The following SERP2 variants were observed in gnomAD, a reference collection of about 807,000 sequenced individuals.
SERP2 encodes stress associated endoplasmic reticulum protein family member 2, also known as stress-associated endoplasmic reticulum protein 2.
SERP2 carries 6 observed loss-of-function variants against 9.1 expected under a neutral mutation model. The ratio of observed to expected loss-of-function variants is 0.66; its 90% CI spans 0.36 to 1.30. The LOEUF (loss-of-function observed/expected upper bound fraction) is 1.30, where lower values mean the gene tolerates loss of function less well. Among genes scored for constraint, SERP2 ranks in the 50% most tolerant of loss-of-function variants. The pLI, the probability that SERP2 is intolerant of heterozygous loss-of-function variation, is 0.03. For synonymous variants in SERP2, 37 were observed against 27.3 expected (o/e 1.35, Z -1.10); for missense variants, 58 against 81.9 (o/e 0.71, Z 1.13).
At chr13:44,375,298 G>A (rs1420393858) in intron 1 of SERP2, among the ~76,000 whole-genome samples, 1 of 151,972 alleles carries the variant, frequency 6.6e-6, no homozygotes, top group Non-Finnish European at 1.5e-5. Context: ...TTACGGCAGA[G>A]AAACTCTAGG....
intron 1 of SERP2, among the ~76,000 whole-genome samples, chr13:44,376,485 A>T (rs1871656284): frequency 6.6e-6 from 1 of 152,212 alleles, no homozygotes; most frequent in Non-Finnish European, 1.5e-5. Context: ...AATCCAAGAA[A>T]CAAGGCCGGG....
At chr13:44,396,145 G>C (rs1868722874) in intron 2 of SERP2, 1 of 187,970 alleles carries the variant, frequency 5.3e-6, no homozygotes, top group South Asian at 1.0e-4. Context: ...ATTCATGTTT[G>C]TCTACTCTTA....
intron 2 of SERP2, among the ~76,000 whole-genome samples, chr13:44,380,716 A>G (rs933123038): frequency 6.6e-6 from 1 of 152,212 alleles, no homozygotes; most frequent in African/African-American, 2.4e-5. Context: ...AGAAAATCTT[A>G]CACTCAAAGA....
chr13:44,377,478 T>C (rs1432534235), intron 1 of SERP2, among the ~76,000 whole-genome samples: 1 of 152,230 alleles, frequency 6.6e-6, no homozygotes, highest in Non-Finnish European at 1.5e-5. Flanking sequence ...GATCTGAACT[T>C]GGCCTGGCCT....
chr13:44,374,896 T>C (rs1233091306), intron 1 of SERP2, among the ~76,000 whole-genome samples: 1 of 152,208 alleles, frequency 6.6e-6, no homozygotes, highest in African/African-American at 2.4e-5. Flanking sequence ...ACCAGTTTAT[T>C]GTCAGGCATT....
At position 44,397,563 on chromosome 13, in the gene SERP2, C is replaced by A; in HGVS notation, c.*251C>A. On this transcript the variant is annotated 3_prime_UTR_variant, in exon 3 of 3. Transcript: ENST00000379179. ...TGGCAGGATTAGTAGCCACGCGGGT[C>A]GTCCGCAGCAGTGCTGTTTTTTTGG... 1 of 548,098 alleles carries A rather than the reference C, an allele frequency of 1.8e-6. No homozygotes were observed. Among genetic ancestry groups the A allele is most frequent in the Non-Finnish European group, 3.3e-6 (1 of 305,528 alleles). The allele number at this position is 548,098 out of a possible 1,614,324, so 34.0% of individuals were successfully genotyped here. A position where few individuals can be genotyped will look rare whatever the true frequency, so the allele number is the denominator to read the frequency against.
intron 1 of SERP2, among the ~76,000 whole-genome samples, chr13:44,378,530 C>T (rs1212062774): frequency 2.0e-5 from 3 of 152,166 alleles, no homozygotes; most frequent in African/African-American, 7.2e-5. Context: ...TGAGATCAAC[C>T]ACAAATCAAT....
Position 44,379,686 on chromosome 13 carries a change from C to T in SERP2, c.130C>T (p.Leu44=). The T allele has an allele frequency of 6.2e-7, 1 of 1,613,062 alleles. No individual in the cohort carries two copies. The highest frequency in any genetic ancestry group is 1.3e-5 in the African/African-American group (1 of 75,016). ...KYPVGPWLLA[L]FVFVVCGSAI... is the part of the protein sequence containing the mutation. Reference sequence around the variant, plus strand: ...TCCTGTGGGACCATGGCTGTTGGCACTGTTTGTTTTTGTTGTCTGTGGCTC... The same window carrying T: ...TCCTGTGGGACCATGGCTGTTGGCATTGTTTGTTTTTGTTGTCTGTGGCTC... Residue 44 remains leucine (L), a synonymous_variant, in exon 2 of 3, where the codon CTG becomes TTG. Transcript: ENST00000379179.
At chr13:44,392,691 G>C (rs777455963) in intron 2 of SERP2, among the ~76,000 whole-genome samples, 1 of 152,132 alleles carries the variant, frequency 6.6e-6, no homozygotes, top group East Asian at 1.9e-4. Context: ...AGTGGGACGA[G>C]ATCATGAGAA....
At chr13:44,384,262 G>A (rs2325128) in intron 2 of SERP2, among the ~76,000 whole-genome samples, 147,537 of 152,280 alleles carry the variant, frequency 0.97, 71,580 homozygotes, top group Non-Finnish European at 1. Context: ...AATTAGTCAC[G>A]ATTCATTTCT....
At chr13:44,375,963 A>C (rs140556856) in intron 1 of SERP2, among the ~76,000 whole-genome samples, 1 of 152,380 alleles carries the variant, frequency 6.6e-6, no homozygotes, top group East Asian at 1.9e-4. Context: ...CTCAATGTTC[A>C]GAGCTACATT....
chr13:44,382,436 C>CAAAAAAAAA (rs71202274), intron 2 of SERP2, among the ~76,000 whole-genome samples: 1 of 45,664 alleles, frequency 2.2e-5, no homozygotes, highest in African/African-American at 1.0e-4. Context: ...GACTCCGTCT[C>CAAAAAAAAA]AAAAAAAAAA....
At position 44,392,196 on chromosome 13, in the gene SERP2, C is replaced by CAAAAAAAAAAAAAAAAAAAA. The variant is rs760513486; in HGVS notation, c.158-5059_158-5058insAAAAAAAAAAAAAAAAAAAA. On this transcript the variant is annotated intron_variant, in intron 2 of 2. Transcript: ENST00000379179. ...CTGGTGACAGAGTGAGACTCTGTCTCAAAAAAAAAAAAAAAAAGCCCTGTG... is the reference window on the plus strand; with the variant it reads ...CTGGTGACAGAGTGAGACTCTGTCTCAAAAAAAAAAAAAAAAAAAAAAAAAAAAAAAAAAAAAGCCCTGTG... Among the ~76,000 whole-genome samples the CAAAAAAAAAAAAAAAAAAAA allele has an allele frequency of 9.3e-3, 335 of 35,988 alleles. 103 individuals are homozygous for CAAAAAAAAAAAAAAAAAAAA. The highest frequency in any genetic ancestry group is 0.011 in the Non-Finnish European group (247 of 22,704). The allele number at this position is 35,988 out of a possible 152,430, so 23.6% of individuals were successfully genotyped here.
intron 2 of SERP2, chr13:44,391,208 TGA>T (rs1472056529): frequency 6.6e-6 from 1 of 152,088 alleles, no homozygotes; most frequent in Non-Finnish European, 1.5e-5. Context: ...GTCCCCAGGG[TGA>T]GAGTCGGTTG....
chr13:44,382,166 C>T (rs780161618), intron 2 of SERP2, among the ~76,000 whole-genome samples: 14 of 151,446 alleles, frequency 9.2e-5, no homozygotes, highest in East Asian at 1.9e-4. Flanking sequence ...AGGCTGGGCG[C>T]GGTGGCTCAC....
Position 44,397,414 on chromosome 13 carries a change from G to A in SERP2, c.*102G>A, listed in dbSNP as rs533746776. ...GGAAACAAGCAGGCCACACGGAATA[G>A]AAAAAAACGCTCCCCCACTTGTTCC... On this transcript the variant is annotated 3_prime_UTR_variant, in exon 3 of 3. Coordinates refer to ENST00000379179, the MANE Select transcript of SERP2 (RefSeq NM_001010897.3). 102 of 891,002 alleles carry A rather than the reference G, an allele frequency of 1.1e-4. No homozygotes were observed. The highest frequency in any genetic ancestry group is 1.7e-4 in the Non-Finnish European group (93 of 547,610). The allele number at this position is 891,002 out of a possible 1,614,324, so 55.2% of individuals were successfully genotyped here.
At chr13:44,388,613 C>CTGTCAGTTAACAGACATTCCT (rs1398979480) in intron 2 of SERP2, among the ~76,000 whole-genome samples, 52 of 152,214 alleles carry the variant, frequency 3.4e-4, no homozygotes, top group Admixed American at 3.9e-4. Context: ...ACATTCCTTT[C>CTGTCAGTTAACAGACATTCCT]GTCTGTCAGT....
At chr13:44,395,527 C>T (rs992901650) in intron 2 of SERP2, among the ~76,000 whole-genome samples, 7 of 146,084 alleles carry the variant, frequency 4.8e-5, no homozygotes, top group African/African-American at 1.5e-4. Flanking sequence ...TGGCGTGAAC[C>T]GGGGAGGCGG....
intron 2 of SERP2, chr13:44,395,890 C>A: frequency 2.2e-6 from 1 of 450,020 alleles, no homozygotes; most frequent in South Asian, 1.6e-5. Context: ...GAAAGAGACC[C>A]AAAAAATGAT....
Sources: gnomAD v4.1 joint callset for allele counts (sites outside exome capture counted in the v4.1 genomes callset) on GRCh38, gnomAD v4.1.1 for gene constraint, MANE v1.5 for transcripts, NCBI Gene and HGNC (gene_info 2026-07-23, HGNC 2026-07-21) for gene names.